The following PARM1 variants were observed in gnomAD, a reference collection of about 807,000 sequenced individuals.
PARM1 encodes prostate androgen-regulated mucin-like protein 1, also known as WSC4, cell wall integrity and stress response component 4 homolog.
Under a neutral mutation model 24.6 loss-of-function variants are expected in PARM1, and 14 were observed. The ratio of observed to expected loss-of-function variants is 0.57; its 90% CI spans 0.38 to 0.89. The LOEUF is 0.89. PARM1 is among the 40% of genes least tolerant of loss of function. The pLI is 0.00. For synonymous variants in PARM1, 179 were observed against 156.6 expected (o/e 1.14, Z -1.07); for missense variants, 362 against 380.4 (o/e 0.95, Z 0.40).
chr4:74,985,758 TTTTG>T (rs1482600277), intron 1 of PARM1, among the ~76,000 whole-genome samples: 2 of 151,984 alleles, frequency 1.3e-5, no homozygotes, highest in Non-Finnish European at 2.9e-5. Flanking sequence ...CATTGTGGTT[TTTTG>T]TTTGTTTGTT....
At chr4:74,975,781 C>T (rs1722130322) in intron 1 of PARM1, among the ~76,000 whole-genome samples, 3 of 152,262 alleles carry the variant, frequency 2.0e-5, no homozygotes, top group South Asian at 4.1e-4. Context: ...AAAATTAGAA[C>T]ATTGAAGCAA....
In PARM1 at chr4:74,941,715, T is replaced by C. The variant is rs184390765; in HGVS notation, c.43+8345T>C. ...GTGGGTAATTAAGGTAACCTCGGCA[T>C]CATGAAAGGGGGTGAAGAATAAGAA... On this transcript the variant is annotated intron_variant, in intron 1 of 3. Transcript: ENST00000307428. Among the ~76,000 whole-genome samples, 132 of 152,220 alleles carry C rather than the reference T, an allele frequency of 8.7e-4. 1 individual carries two copies. The highest frequency in any genetic ancestry group is 3.1e-3 in the African/African-American group (128 of 41,530).
intron 2 of PARM1, 43 bp downstream of exon 2, chr4:75,013,193 C>T (rs200330028): frequency 1.1e-4 from 172 of 1,560,090 alleles, no homozygotes; most frequent in Non-Finnish European, 1.4e-4. Flanking sequence ...ACTACACCCT[C>T]ACATTAAGAA....
At chr4:74,992,008 T>C (rs1722487384) in intron 1 of PARM1, among the ~76,000 whole-genome samples, 1 of 152,140 alleles carries the variant, frequency 6.6e-6, no homozygotes, top group African/African-American at 2.4e-5. Flanking sequence ...AGGAAAACAC[T>C]TGCATTTACC....
intron 1 of PARM1, among the ~76,000 whole-genome samples, chr4:74,944,735 GA>G (rs928069997): frequency 1.3e-5 from 2 of 152,142 alleles, no homozygotes; most frequent in African/African-American, 4.8e-5. Context: ...TTTCAGATTG[GA>G]GGGGTAACAG....
At chr4:74,967,126 G>T (rs185060711) in intron 1 of PARM1, 2 of 152,144 alleles carry the variant, frequency 1.3e-5, no homozygotes, top group Non-Finnish European at 2.9e-5. Context: ...ATAAACTACA[G>T]AAGGACTTTA....
chr4:74,943,145 T>C (rs1434399711), intron 1 of PARM1, among the ~76,000 whole-genome samples: 2 of 152,192 alleles, frequency 1.3e-5, no homozygotes, highest in African/African-American at 4.8e-5. Context: ...AAAATTGTAG[T>C]CTGTTCCACT....
chr4:74,973,793 G>C (rs527813361), intron 1 of PARM1, among the ~76,000 whole-genome samples: 10 of 151,932 alleles, frequency 6.6e-5, no homozygotes, highest in Non-Finnish European at 1.2e-4. Context: ...TCAGATTTTA[G>C]GACACTGGGA....
rs1381127836 is a variant in PARM1, at chr4:75,046,544, T to C, written c.*297T>C. 1.1e-5 allele frequency: 3 copies of C among 264,500 alleles called. No individual in the cohort carries two copies. Among genetic ancestry groups the C allele is most frequent in the Non-Finnish European group, 2.2e-5 (3 of 138,552 alleles). 16.4% of individuals were successfully genotyped at this position (264,500 alleles called of 1,614,324 possible). On this transcript the variant is annotated 3_prime_UTR_variant, in exon 4 of 4. Coordinates refer to ENST00000307428, the MANE Select transcript of PARM1 (RefSeq NM_015393.4). ...TTCTTTCCCCACTGCAGGACCCACT[T>C]TGAGAAGGACCGAGGAGGAGGATTT...
rs200170376 is a variant in PARM1, at chr4:75,049,866, C to CTTTTTTTTTT, written c.*3624_*3633dup. ...TTCTTTGCCTTTAAGCCTTTTTTTT[C>CTTTTTTTTTT]TTTTTTTTTTTTTTGGCAAATGAAT... On this transcript the variant is annotated 3_prime_UTR_variant, in exon 4 of 4. Transcript: ENST00000307428. The CTTTTTTTTTT allele has an allele frequency of 1.5e-5, 2 of 134,180 alleles. No individual in the cohort carries two copies. Among genetic ancestry groups the CTTTTTTTTTT allele is most frequent in the South Asian group, 2.4e-4 (1 of 4,142 alleles). 8.3% of individuals were successfully genotyped at this position (134,180 alleles called of 1,614,324 possible). A position where few individuals can be genotyped will look rare whatever the true frequency, so the allele number is the denominator to read the frequency against.
At chr4:74,997,521 G>T (rs140616100) in intron 1 of PARM1, among the ~76,000 whole-genome samples, 180 of 152,296 alleles carry the variant, frequency 1.2e-3, no homozygotes, top group African/African-American at 4.0e-3. Flanking sequence ...CTTGTGAGCT[G>T]CTTGACATTG....
chr4:74,954,700 A>G (rs1412671716), intron 1 of PARM1, among the ~76,000 whole-genome samples: 3 of 152,230 alleles, frequency 2.0e-5, no homozygotes, highest in Non-Finnish European at 4.4e-5. Flanking sequence ...GCTGGTTTCA[A>G]TGATAGTGGA....
intron 3 of PARM1, among the ~76,000 whole-genome samples, chr4:75,043,870 CTCTTTCATT>C (rs1723546514): frequency 6.6e-6 from 1 of 152,120 alleles, no homozygotes; most frequent in Non-Finnish European, 1.5e-5. Flanking sequence ...TATTTATGGT[CTCTTTCATT>C]CCCATACCCA....
At chr4:74,989,903 G>A (rs1465522500) in intron 1 of PARM1, among the ~76,000 whole-genome samples, 1 of 152,172 alleles carries the variant, frequency 6.6e-6, no homozygotes, top group African/African-American at 2.4e-5. Context: ...AATTCACCTA[G>A]CAATGCTGTG....
At chr4:75,019,093 T>A (rs567603394) in intron 2 of PARM1, among the ~76,000 whole-genome samples, 3 of 152,340 alleles carry the variant, frequency 2.0e-5, no homozygotes, top group African/African-American at 7.2e-5. Context: ...AGAGTTTTGA[T>A]TGATTTTCAT....
chr4:74,934,996 CTTTT>C (rs11392364), intron 1 of PARM1, among the ~76,000 whole-genome samples: 1 of 116,558 alleles, frequency 8.6e-6, no homozygotes, highest in African/African-American at 3.4e-5. Flanking sequence ...GCTCTTTTTT[CTTTT>C]TTTTTTTTTT....
At chr4:74,996,170 G>A (rs1281001245) in intron 1 of PARM1, among the ~76,000 whole-genome samples, 1 of 151,918 alleles carries the variant, frequency 6.6e-6, no homozygotes, top group Non-Finnish European at 1.5e-5. Flanking sequence ...TTGTAGGCCT[G>A]CCCCCCAATG....
chr4:74,974,799 G>A (rs1023522763), intron 1 of PARM1, among the ~76,000 whole-genome samples: 1 of 152,112 alleles, frequency 6.6e-6, no homozygotes, highest in African/African-American at 2.4e-5. Flanking sequence ...AGAAGGATGG[G>A]GCTCTTGTGA....
At position 75,024,963 on chromosome 4, in the gene PARM1, G is replaced by A. The variant is rs547078552; in HGVS notation, c.770-8920G>A. ...ACCCGCCTTGGTCTCCCAAAGTGCCGGGATTACAGGCGTAAGCCACTGTTC... is the reference window on the plus strand; with the variant it reads ...ACCCGCCTTGGTCTCCCAAAGTGCCAGGATTACAGGCGTAAGCCACTGTTC... On this transcript the variant is annotated intron_variant, in intron 2 of 3. Transcript: ENST00000307428. Among the ~76,000 whole-genome samples the A allele has an allele frequency of 1.9e-3, 287 of 152,310 alleles. 1 individual carries two copies. The highest frequency in any genetic ancestry group is 3.1e-3 in the Non-Finnish European group (210 of 68,022).
Sources: gnomAD v4.1 joint callset for allele counts (sites outside exome capture counted in the v4.1 genomes callset) on GRCh38, gnomAD v4.1.1 for gene constraint, MANE v1.5 for transcripts, NCBI Gene and HGNC (gene_info 2026-07-23, HGNC 2026-07-21) for gene names.